Variants in KDM3B observed in about 807,000 individuals in gnomAD.
The protein encoded by KDM3B is lysine demethylase 3B, also known as lysine-specific demethylase 3B.
In KDM3B, 10 loss-of-function variants were observed where a neutral mutation model predicts 170.0. The ratio of observed to expected loss-of-function variants is 0.06; its 90% CI spans 0.04 to 0.10. The LOEUF is 0.10. Ranked by LOEUF, KDM3B falls within the 10% of genes least tolerant of loss-of-function variation. The pLI is 1.00. For missense variants in KDM3B, 1,394 were observed against 2,195.2 expected (o/e 0.64, Z 7.29); for synonymous variants, 831 against 834.8 (o/e 1.00, Z 0.08).
intron 1 of KDM3B, among the ~76,000 whole-genome samples, chr5:138,370,937 T>A (rs1335465801): frequency 2.0e-5 from 3 of 152,020 alleles, no homozygotes; most frequent in Non-Finnish European, 4.4e-5. Flanking sequence ...GCCTCCTGAG[T>A]AGCTGGAATT....
chr5:138,414,588 G>A (rs1194769850), intron 11 of KDM3B, among the ~76,000 whole-genome samples: 2 of 152,196 alleles, frequency 1.3e-5, no homozygotes, highest in Non-Finnish European at 2.9e-5. Context: ...TGTCATGATT[G>A]TGGTAGTTGT....
At position 138,391,275 on chromosome 5, in the gene KDM3B, C is replaced by G; in HGVS notation, c.1643C>G (p.Ala548Gly). ...NYFTTVSESLADDSSSRDSFK... is the reference protein window; with the variant it reads ...NYFTTVSESLGDDSSSRDSFK... ...TTCACTACTGTTTCAGAGAGTTTGGCTGATGATTCTTCTAGTCGGGACTCA... is the reference window on the plus strand; with the variant it reads ...TTCACTACTGTTTCAGAGAGTTTGGGTGATGATTCTTCTAGTCGGGACTCA... Residue 548 changes from alanine (A) to glycine (G), a missense_variant, in exon 8 of 24, where the codon GCT (alanine) becomes GGT (glycine). Transcript: ENST00000314358. This position sits in a 1 kb window ranked among gnomAD's most constrained non-coding sequence, Gnocchi z 5.0. 1.9e-6 allele frequency: 3 copies of G among 1,614,174 alleles called. No homozygotes were observed. The highest frequency in any genetic ancestry group is 2.5e-6 in the Non-Finnish European group (3 of 1,180,034).
intron 3 of KDM3B, among the ~76,000 whole-genome samples, chr5:138,376,615 A>G (rs1295176628): frequency 1.3e-5 from 2 of 151,706 alleles, no homozygotes; most frequent in African/African-American, 4.8e-5. Context: ...GAGGCAGGAG[A>G]ATGGCGTGAA....
At chr5:138,357,346 A>G (rs1189246968) in intron 1 of KDM3B, among the ~76,000 whole-genome samples, 1 of 151,410 alleles carries the variant, frequency 6.6e-6, no homozygotes, top group African/African-American at 2.4e-5. Context: ...TTGAACCTAT[A>G]TAAATATACT....
chr5:138,423,967 T>C (rs1763334172), intron 15 of KDM3B, 108 bp from the exon 16 acceptor site: 1 of 1,066,680 alleles, frequency 9.4e-7, no homozygotes, highest in South Asian at 2.9e-5. Context: ...TTGTAGAATT[T>C]AATCAGACAG....
intron 1 of KDM3B, among the ~76,000 whole-genome samples, chr5:138,367,675 A>T (rs1275567833): frequency 6.6e-6 from 1 of 152,144 alleles, no homozygotes; most frequent in Non-Finnish European, 1.5e-5. Flanking sequence ...CAGACTTTTT[A>T]AAAAAATTTC....
At chr5:138,403,933 T>C (rs1415801857) in intron 11 of KDM3B, among the ~76,000 whole-genome samples, 3 of 149,922 alleles carry the variant, frequency 2.0e-5, no homozygotes, top group African/African-American at 4.9e-5. Flanking sequence ...AAAGAAGATA[T>C]ATAAAAGCCC....
chr5:138,398,148 C>T lies in KDM3B; in HGVS notation c.2832-30C>T, dbSNP rs750662996. On this transcript the variant is annotated intron_variant, in intron 9 of 23. Coordinates refer to ENST00000314358, the MANE Select transcript of KDM3B (RefSeq NM_016604.4). The stretch of plus-strand genomic sequence containing the variant: ...TGTGTGTTAGTTTGCGTTGCTCCTG[C>T]GATTTACCATGTATTTGATCATGTC... The T allele has an allele frequency of 1.9e-5, 30 of 1,550,352 alleles. 1 individual carries two copies. Among genetic ancestry groups the T allele is most frequent in the East Asian group, 1.1e-4 (5 of 44,310 alleles).
chr5:138,352,785 C>T lies in KDM3B; in HGVS notation c.-11C>T. 7.9e-7 allele frequency: 1 copy of T among 1,266,706 alleles called. No homozygotes were observed. Among genetic ancestry groups the T allele is most frequent in the African/African-American group, 1.6e-5 (1 of 63,468 alleles). The allele number at this position is 1,266,706 out of a possible 1,614,324, so 78.5% of individuals were successfully genotyped here. On this transcript the variant is annotated 5_prime_UTR_variant, in exon 1 of 24. Coordinates refer to ENST00000314358, the MANE Select transcript of KDM3B (RefSeq NM_016604.4). The stretch of plus-strand genomic sequence containing the variant: ...CGGCGGGCGGGAGCGCGGGTCAGGC[C>T]GGCCCCGGCGATGGCGGACGCGGCG...
At chr5:138,378,939 G>A (rs1762063590) in intron 4 of KDM3B, among the ~76,000 whole-genome samples, 1 of 151,924 alleles carries the variant, frequency 6.6e-6, no homozygotes, top group Non-Finnish European at 1.5e-5. Flanking sequence ...ATGTGGGAGA[G>A]AGAAACTGTC....
At chr5:138,378,472 A>G (rs1398281521) in intron 4 of KDM3B, among the ~76,000 whole-genome samples, 2 of 151,766 alleles carry the variant, frequency 1.3e-5, no homozygotes, top group Non-Finnish European at 2.9e-5. Flanking sequence ...TCAAGTTCAG[A>G]TACAAGTTTT....
chr5:138,353,072 T>A, intron 1 of KDM3B, 85 bp downstream of exon 1: 1 of 312,758 alleles, frequency 3.2e-6, no homozygotes, highest in Non-Finnish European at 4.3e-6. Flanking sequence ...GAGGGGGCGG[T>A]GGGATGGGGG....
intron 1 of KDM3B, among the ~76,000 whole-genome samples, chr5:138,370,456 T>C (rs1342329658): frequency 1.3e-5 from 2 of 152,170 alleles, no homozygotes; most frequent in Non-Finnish European, 1.5e-5. Context: ...TTTCATATCA[T>C]TATAATTTTT....
chr5:138,393,293 C>T lies in KDM3B; in HGVS notation c.2752C>T (p.Arg918Cys). ...APHLHKCREC[R>C]LERYRKFKEQ... is the part of the protein sequence containing the mutation. ...TCATCTGCACAAGTGTCGTGAATGC[C>T]GCCTGGAGCGGTACCGGAAGTTTAA... is the stretch of plus-strand genomic sequence containing the variant. Residue 918 changes from arginine to cysteine, a missense_variant, in exon 9 of 24, where the codon CGC (arginine) becomes TGC (cysteine). Arg to Cys is a radical substitution (Grantham distance 180, BLOSUM62 -3). Transcript: ENST00000314358. 2 of 1,614,174 alleles carry T rather than the reference C, an allele frequency of 1.2e-6. No homozygotes were observed. The highest frequency in any genetic ancestry group is 1.7e-6 in the Non-Finnish European group (2 of 1,180,022).
In KDM3B at chr5:138,352,715, G is replaced by A; in HGVS notation, c.-81G>A. ...GCGGCCGCGGGTGGTGCGGAGGGAG[G>A]CCTTGCGGGCGGATCGGGCGCTTGG... On this transcript the variant is annotated 5_prime_UTR_variant, in exon 1 of 24. Coordinates refer to ENST00000314358, the MANE Select transcript of KDM3B (RefSeq NM_016604.4). 1 of 1,087,228 alleles carries A rather than the reference G, an allele frequency of 9.2e-7. No homozygotes were observed. Among genetic ancestry groups the A allele is most frequent in the South Asian group, 4.3e-5 (1 of 23,008 alleles). 67.3% of individuals were successfully genotyped at this position (1,087,228 alleles called of 1,614,324 possible). A position where few individuals can be genotyped will look rare whatever the true frequency, so the allele number is the denominator to read the frequency against.
At position 138,417,578 on chromosome 5, in the gene KDM3B, T is replaced by C. The variant is rs2126987789; in HGVS notation, c.3403T>C (p.Leu1135=). The C allele has an allele frequency of 6.2e-7, 1 of 1,614,170 alleles. No individual in the cohort carries two copies. Among genetic ancestry groups the C allele is most frequent in the East Asian group, 2.2e-5 (1 of 44,878 alleles). The part of the protein sequence containing the change: ...PCISRQNKSV[L]RPAVTNGMSQ... ...TATCAGTCGACAGAACAAATCTGTA[T>C]TGAGACCTGCCGTCACCAATGGGAT... Residue 1135 remains leucine, a synonymous_variant, in exon 13 of 24, where the codon TTG becomes CTG. Transcript: ENST00000314358.
At chr5:138,419,701 A>G (rs1328045927) in intron 14 of KDM3B, among the ~76,000 whole-genome samples, 2 of 127,408 alleles carry the variant, frequency 1.6e-5, no homozygotes, top group East Asian at 4.5e-4. Context: ...ATATATATAT[A>G]CACACACACA....
intron 17 of KDM3B, chr5:138,425,978 C>G (rs1348641371): frequency 6.3e-6 from 1 of 159,118 alleles, no homozygotes; most frequent in Non-Finnish European, 1.4e-5. Flanking sequence ...TGCTCTCCAG[C>G]CTCGGTGATG....
chr5:138,357,762 C>G (rs1761490134), intron 1 of KDM3B, among the ~76,000 whole-genome samples: 1 of 152,016 alleles, frequency 6.6e-6, no homozygotes. Flanking sequence ...CACTCTTGCC[C>G]AGGCTGGAGT....
Sources: allele counts gnomAD v4.1 joint callset (sites outside exome capture counted in the v4.1 genomes callset), GRCh38; gene constraint gnomAD v4.1.1; non-coding constraint Gnocchi (gnomAD v3.1); transcripts MANE v1.5; gene names NCBI Gene and HGNC (gene_info 2026-07-23, HGNC 2026-07-21).